Variants in C2orf72 observed in about 807,000 individuals in gnomAD.
C2orf72 encodes chromosome 2 open reading frame 72, also known as uncharacterized protein C2orf72.
C2orf72 carries 16 observed loss-of-function variants against 14.4 expected under a neutral mutation model. The ratio of observed to expected loss-of-function variants is 1.11; its 90% CI spans 0.75 to 1.69. The LOEUF is 1.69. Ranked by LOEUF, C2orf72 falls within the 40% of genes most tolerant of loss-of-function variation. The pLI, the probability that C2orf72 is intolerant of heterozygous loss-of-function variation, is 0.00. For synonymous variants in C2orf72, 168 were observed against 176.8 expected (o/e 0.95, Z 0.40); for missense variants, 371 against 358.3 (o/e 1.04, Z -0.29).
chr2:231,046,972 G>A lies in C2orf72; in HGVS notation c.839G>A (p.Cys280Tyr). 1 of 1,551,708 alleles carries A rather than the reference G, an allele frequency of 6.4e-7. No homozygotes were observed. Among genetic ancestry groups the A allele is most frequent in the Non-Finnish European group, 8.7e-7 (1 of 1,147,000 alleles). The stretch of plus-strand genomic sequence containing the variant: ...GACCTTGGAAGGGGGTCAAAAGCCT[G>A]TGATGGAGTCGTACACACTCCTGCT... ...CDDLGRGSKA[C>Y]DGVVHTPAEP... Residue 280 changes from cysteine (C) to tyrosine (Y), a missense_variant, in exon 3 of 3, where the codon TGT becomes TAT. Physicochemically the swap from Cys to Tyr is radical, Grantham distance 194. Coordinates refer to ENST00000373640, the MANE Select transcript of C2orf72 (RefSeq NM_001144994.2).
rs1693440552 is a variant in C2orf72, at chr2:231,047,946, A to T, written c.*925A>T. On this transcript the variant is annotated 3_prime_UTR_variant, in exon 3 of 3. Transcript: ENST00000373640. ...TGTGCCAAGTCCTTTGGGTATAAGG[A>T]TGCTAGGGAATTCCTATAGGCACCA... 1 of 152,294 alleles carries T rather than the reference A, an allele frequency of 6.6e-6. No homozygotes were observed. The highest frequency in any genetic ancestry group is 2.1e-4 in the South Asian group (1 of 4,830). The allele number at this position is 152,294 out of a possible 1,614,324, so 9.4% of individuals were successfully genotyped here. A position where few individuals can be genotyped will look rare whatever the true frequency, so the allele number is the denominator to read the frequency against.
In C2orf72 at chr2:231,037,897, G is replaced by T; in HGVS notation, c.332G>T (p.Cys111Phe). Residue 111 changes from cysteine to phenylalanine, a missense_variant, in exon 1 of 3, where the codon TGC becomes TTC. By Grantham distance (205) the Cys-to-Phe change is radical. Coordinates refer to ENST00000373640, the MANE Select transcript of C2orf72 (RefSeq NM_001144994.2). ...CGCTCGCCGCTGGTCTTCGTGCTGTGCCGCGCGTCGTCGCTGGCCGCCCGG... is the reference window on the plus strand; with the variant it reads ...CGCTCGCCGCTGGTCTTCGTGCTGTTCCGCGCGTCGTCGCTGGCCGCCCGG... The part of the protein sequence containing the change: ...AIRSPLVFVL[C>F]RASSLAAREP... The T allele has an allele frequency of 9.8e-7, 1 of 1,020,966 alleles. No homozygotes were observed. Among genetic ancestry groups the T allele is most frequent in the Non-Finnish European group, 1.2e-6 (1 of 854,896 alleles). The allele number at this position is 1,020,966 out of a possible 1,614,324, so 63.2% of individuals were successfully genotyped here.
chr2:231,041,304 G>T lies in C2orf72; in HGVS notation c.643G>T (p.Ala215Ser). ...TTTTGTGTTCTTCCTAGTGGAAGGA[G>T]CCTGGGAGAGGCCAGGCCTCCCCGG... is the stretch of plus-strand genomic sequence containing the variant. ...AAGAGQPVEG[A>S]WERPGLPGLL... Residue 215 changes from alanine (A) to serine (S), a missense_variant, in exon 2 of 3, where the codon GCC (alanine) becomes TCC (serine). By Grantham distance (99) the Ala-to-Ser change is moderately conservative. Around this residue, in one of 3 missense-constraint regions of C2orf72, gnomAD observed 145 missense variants for 149.4 expected, o/e 0.97. Transcript: ENST00000373640. 6.4e-7 allele frequency: 1 copy of T among 1,550,582 alleles called. No individual in the cohort carries two copies. The highest frequency in any genetic ancestry group is 1.2e-5 in the South Asian group (1 of 83,998).
At chr2:231,045,200 G>T (rs112681851) in intron 2 of C2orf72, among the ~76,000 whole-genome samples, 87 of 151,692 alleles carry the variant, frequency 5.7e-4, no homozygotes, top group African/African-American at 2.0e-3. Context: ...GGAGGCGGAG[G>T]TTGCAGTGGG....
chr2:231,047,198 T>G lies in C2orf72; in HGVS notation c.*177T>G. ...CTAAGACAAGCAGGACCTAAAACAG[T>G]GTCTCCCCTGGGAACCTACTCCCCA... is the stretch of plus-strand genomic sequence containing the variant. On this transcript the variant is annotated 3_prime_UTR_variant, in exon 3 of 3. Transcript: ENST00000373640. 1 of 786,008 alleles carries G rather than the reference T, an allele frequency of 1.3e-6. No individual in the cohort carries two copies. Among genetic ancestry groups the G allele is most frequent in the Non-Finnish European group, 2.2e-6 (1 of 462,766 alleles). The allele number at this position is 786,008 out of a possible 1,614,324, so 48.7% of individuals were successfully genotyped here. A position where few individuals can be genotyped will look rare whatever the true frequency, so the allele number is the denominator to read the frequency against.
intron 2 of C2orf72, among the ~76,000 whole-genome samples, chr2:231,044,947 A>T (rs1433428291): frequency 1.4e-5 from 2 of 142,278 alleles, no homozygotes; most frequent in Non-Finnish European, 1.5e-5. Context: ...ATATATCTTT[A>T]TATATATATA....
intron 1 of C2orf72, among the ~76,000 whole-genome samples, chr2:231,038,686 C>CATCTCCAGCGCGGTGGAGG (rs1481217617): frequency 6.6e-6 from 1 of 152,026 alleles, no homozygotes; most frequent in Non-Finnish European, 1.5e-5. Context: ...GGCGGAGGGG[C>CATCTCCAGCGCGGTGGAGG]ATCTCCAGCG....
chr2:231,038,090 G>C lies in C2orf72; in HGVS notation c.525G>C (p.Ala175=), dbSNP rs1299396035. 6.1e-6 allele frequency: 7 copies of C among 1,144,056 alleles called. No homozygotes were observed. The highest frequency in any genetic ancestry group is 3.3e-5 in the African/African-American group (2 of 61,108). The allele number at this position is 1,144,056 out of a possible 1,614,324, so 70.9% of individuals were successfully genotyped here. Residue 175 remains alanine (A), a synonymous_variant, in exon 1 of 3, where the codon GCG becomes GCC. Coordinates refer to ENST00000373640, the MANE Select transcript of C2orf72 (RefSeq NM_001144994.2). ...TGCGCGCCGTGTTCGGCCGCCAGGC[G>C]GGGGGGCCCGTGCAGGCGGCCGCCT... ...ALLRAVFGRQ[A]GGPVQAAAYC... is the part of the protein sequence containing the mutation.
intron 1 of C2orf72, among the ~76,000 whole-genome samples, chr2:231,039,299 T>C (rs1420088328): frequency 3.5e-5 from 5 of 141,506 alleles, no homozygotes; most frequent in African/African-American, 1.3e-4. Context: ...GTTGTGCACA[T>C]GTACCCTAAA....
rs1693447949 is a variant in C2orf72 at position 231,048,491 on chromosome 2, GT to G, written c.*1471del. ...GGCTCCAGAACTCCCGGCTGCCAGG[GT>G]AGCCCCTACCCCCAGCCCCTTGCTC... On this transcript the variant is annotated 3_prime_UTR_variant, in exon 3 of 3. Coordinates refer to ENST00000373640, the MANE Select transcript of C2orf72 (RefSeq NM_001144994.2). 6.5e-6 allele frequency: 1 copy of G among 153,522 alleles called. No homozygotes were observed. Among genetic ancestry groups the G allele is most frequent in the African/African-American group, 2.4e-5 (1 of 41,498 alleles). The allele number at this position is 153,522 out of a possible 1,614,324, so 9.5% of individuals were successfully genotyped here.
At position 231,047,741 on chromosome 2, in the gene C2orf72, G is replaced by T. The variant is rs994973869; in HGVS notation, c.*720G>T. On this transcript the variant is annotated 3_prime_UTR_variant, in exon 3 of 3. Transcript: ENST00000373640. ...GTCAGAGTCCCCCAGAGCAGAGAGG[G>T]TCAGGCTTCCCTGGACCTTGGCTCC... 1 of 156,544 alleles carries T rather than the reference G, an allele frequency of 6.4e-6. No homozygotes were observed. The highest frequency in any genetic ancestry group is 1.9e-4 in the East Asian group (1 of 5,322). 9.7% of individuals were successfully genotyped at this position (156,544 alleles called of 1,614,324 possible).
Position 231,046,972 on chromosome 2 carries a change from G to C in C2orf72, c.839G>C (p.Cys280Ser), listed in dbSNP as rs1398921288. 2.6e-6 allele frequency: 4 copies of C among 1,551,590 alleles called. No homozygotes were observed. The highest frequency in any genetic ancestry group is 1.2e-5 in the South Asian group (1 of 84,066). ...GACCTTGGAAGGGGGTCAAAAGCCTGTGATGGAGTCGTACACACTCCTGCT... is the reference window on the plus strand; with the variant it reads ...GACCTTGGAAGGGGGTCAAAAGCCTCTGATGGAGTCGTACACACTCCTGCT... ...CDDLGRGSKA[C>S]DGVVHTPAEP... Residue 280 changes from cysteine (C) to serine (S), a missense_variant, in exon 3 of 3, where the codon TGT becomes TCT. Around this residue, in one of 3 missense-constraint regions of C2orf72, gnomAD observed 145 missense variants for 149.4 expected, o/e 0.97. Transcript: ENST00000373640.
At chr2:231,044,666 A>T (rs1192733310) in intron 2 of C2orf72, among the ~76,000 whole-genome samples, 42 of 115,064 alleles carry the variant, frequency 3.7e-4, no homozygotes, top group African/African-American at 1.3e-3. Context: ...TCCTATTTTA[A>T]TTTTTTTTTT....
At chr2:231,043,005 AAAAT>A (rs951739910) in intron 2 of C2orf72, among the ~76,000 whole-genome samples, 10 of 152,226 alleles carry the variant, frequency 6.6e-5, no homozygotes, top group Non-Finnish European at 1.5e-4. Context: ...ACTCCGTCTC[AAAAT>A]AAATAAATAA....
At chr2:231,040,158 CG>C (rs1693320705) in intron 1 of C2orf72, among the ~76,000 whole-genome samples, 1 of 152,182 alleles carries the variant, frequency 6.6e-6, no homozygotes, top group African/African-American at 2.4e-5. Context: ...CTTCCTCCTC[CG>C]GGAAGCCTCC....
intron 2 of C2orf72, among the ~76,000 whole-genome samples, chr2:231,042,807 C>T (rs1277809926): frequency 6.6e-6 from 1 of 152,084 alleles, no homozygotes; most frequent in Non-Finnish European, 1.5e-5. Flanking sequence ...GAGTTCAAGC[C>T]CAGCCTGACC....
Position 231,047,250 on chromosome 2 carries a change from G to A in C2orf72, c.*229G>A. The A allele has an allele frequency of 4.6e-6, 3 of 646,114 alleles. No homozygotes were observed. 40.0% of individuals were successfully genotyped at this position (646,114 alleles called of 1,614,324 possible). A position where few individuals can be genotyped will look rare whatever the true frequency, so the allele number is the denominator to read the frequency against. On this transcript the variant is annotated 3_prime_UTR_variant, in exon 3 of 3. Transcript: ENST00000373640. ...CCAGCATTTGCTAAGTCTGATCACA[G>A]GGAGGTTATTTTGTCTCTCTGTCTC...
chr2:231,043,952 A>G (rs570944036), intron 2 of C2orf72, among the ~76,000 whole-genome samples: 1 of 152,364 alleles, frequency 6.6e-6, no homozygotes, highest in East Asian at 1.9e-4. Context: ...CTACATGCCT[A>G]TGCTATGCGG....
At chr2:231,046,056 G>A (rs1013880705) in intron 2 of C2orf72, among the ~76,000 whole-genome samples, 19 of 152,116 alleles carry the variant, frequency 1.2e-4, no homozygotes, top group African/African-American at 4.1e-4. Context: ...ACTTTGCGAG[G>A]CCGAGGCAGG....
Sources: gnomAD v4.1 joint callset for allele counts (sites outside exome capture counted in the v4.1 genomes callset) on GRCh38, gnomAD v4.1.1 for gene constraint, gnomAD v4.1.1 regional missense constraint, MANE v1.5 for transcripts, NCBI Gene and HGNC (gene_info 2026-07-23, HGNC 2026-07-21) for gene names.